The following ADGRD1 variants were observed in gnomAD, a reference collection of about 807,000 sequenced individuals.
ADGRD1 encodes the protein G-protein coupled receptor 133.
Under a neutral mutation model 113.4 loss-of-function variants are expected in ADGRD1, and 77 were observed. The observed-to-expected ratio is 0.68, with a 90% confidence interval of 0.57 to 0.82. ADGRD1 has a LOEUF of 0.82. Ranked by LOEUF, ADGRD1 falls within the 40% of genes least tolerant of loss-of-function variation. ADGRD1 has a pLI of 0.00. For missense variants in ADGRD1, 1,036 were observed against 1,139.1 expected (o/e 0.91, Z 1.30); for synonymous variants, 474 against 475.0 (o/e 1.00, Z 0.03).
chr12:131,088,412 G>A lies in ADGRD1; in HGVS notation c.1671+3749G>A, dbSNP rs567295409. Among the ~76,000 whole-genome samples, 4 of 152,368 alleles carry A rather than the reference G, an allele frequency of 2.6e-5. No individual in the cohort carries two copies. In the South Asian group the frequency reaches 8.3e-4, roughly 32 times the overall value. On this transcript the variant is annotated intron_variant, in intron 15 of 24. Transcript: ENST00000261654. ...GGGAGATCATGTCGGATGACTTGTG[G>A]ATAATTAGGCTCTAAAACGCAGTCC... is the stretch of plus-strand genomic sequence containing the variant.
rs770199975 is a variant in ADGRD1, at chr12:130,984,939, CTCTT to C, written c.491-2146_491-2143del. ...TCTCTCTCCTCTCTTCTCTCTTTCT[CTCTT>C]TCTTTCTTTTTCTTTCTGACAGGAT... is the stretch of plus-strand genomic sequence containing the variant. On this transcript the variant is annotated intron_variant, in intron 5 of 24. Coordinates refer to ENST00000261654, the MANE Select transcript of ADGRD1 (RefSeq NM_198827.5). This position sits in a 1 kb window ranked among gnomAD's most constrained non-coding sequence, Gnocchi z 4.1. 4.5e-4 allele frequency among the ~76,000 whole-genome samples: 68 copies of C among 151,046 alleles called. 1 individual carries two copies. Among genetic ancestry groups the C allele is most frequent in the African/African-American group, 1.5e-3 (61 of 41,084 alleles).
intron 13 of ADGRD1, chr12:131,023,497 G>A (rs1228394488): frequency 6.6e-6 from 1 of 151,900 alleles, no homozygotes; most frequent in Non-Finnish European, 1.5e-5. Flanking sequence ...TATCTCTTTT[G>A]TGCCAAATGA....
At chr12:131,081,311 T>C (rs1886055139) in intron 14 of ADGRD1, among the ~76,000 whole-genome samples, 1 of 152,246 alleles carries the variant, frequency 6.6e-6, no homozygotes, top group Non-Finnish European at 1.5e-5. Context: ...GATTAAAATC[T>C]ACCATTTTGC....
intron 18 of ADGRD1, among the ~76,000 whole-genome samples, chr12:131,117,312 A>G (rs551772668): frequency 6.6e-6 from 1 of 152,336 alleles, no homozygotes; most frequent in Non-Finnish European, 1.5e-5. Flanking sequence ...TAGAAATCCA[A>G]CTTGAACTGG....
At chr12:131,107,815 G>T (rs1479856738) in intron 17 of ADGRD1, among the ~76,000 whole-genome samples, 3 of 152,212 alleles carry the variant, frequency 2.0e-5, no homozygotes, top group Non-Finnish European at 2.9e-5. Context: ...ACATTTAGTG[G>T]CTTGTACATT....
chr12:131,132,530 C>G (rs112547346), intron 21 of ADGRD1, among the ~76,000 whole-genome samples: 88,140 of 151,856 alleles, frequency 0.58, 27,271 homozygotes, highest in Non-Finnish European at 0.71. Context: ...GTTGCAGCAC[C>G]GGGCCCAGCT....
intron 13 of ADGRD1, among the ~76,000 whole-genome samples, chr12:131,074,024 C>G (rs753071740): frequency 1.9e-4 from 29 of 152,198 alleles, no homozygotes; most frequent in Non-Finnish European, 4.0e-4. Context: ...TACATAAAAG[C>G]CAGCACATTT....
chr12:131,015,165 A>G (rs1369243957), intron 13 of ADGRD1, among the ~76,000 whole-genome samples: 1 of 152,284 alleles, frequency 6.6e-6, no homozygotes, highest in Non-Finnish European at 1.5e-5. Context: ...CTCTGTGCGC[A>G]TACCTGGGTG....
rs770835000 is a variant in ADGRD1, at chr12:131,042,508, A to G, written c.1473+28168A>G. 5.9e-5 allele frequency among the ~76,000 whole-genome samples: 9 copies of G among 152,252 alleles called. 1 individual carries two copies. Among genetic ancestry groups the G allele is most frequent in the Admixed American group, 6.5e-5 (1 of 15,288 alleles). On this transcript the variant is annotated intron_variant, in intron 13 of 24. Coordinates refer to ENST00000261654, the MANE Select transcript of ADGRD1 (RefSeq NM_198827.5). The stretch of plus-strand genomic sequence containing the variant: ...ATGTGAGTTAAAGAAAATCCAGCAG[A>G]CACCGCTCCTGACTTCATGTCTATA...
chr12:131,003,311 C>T lies in ADGRD1; in HGVS notation c.1144+9C>T, dbSNP rs1876629826. ...CTCCTCTGCCATGGCAGGTAGCTGT[C>T]GCTTGTAAGGGTGAGCCACATGGCA... On this transcript the variant is annotated intron_variant, in intron 10 of 24. Coordinates refer to ENST00000261654, the MANE Select transcript of ADGRD1 (RefSeq NM_198827.5). The surrounding 1 kb of genome is among the most constrained non-coding windows in gnomAD (Gnocchi z 4.8). 2 of 1,592,072 alleles carry T rather than the reference C, an allele frequency of 1.3e-6. No individual in the cohort carries two copies. The highest frequency in any genetic ancestry group is 1.7e-6 in the Non-Finnish European group (2 of 1,160,772).
intron 18 of ADGRD1, among the ~76,000 whole-genome samples, chr12:131,118,132 T>C (rs1367141160): frequency 6.6e-6 from 1 of 152,254 alleles, no homozygotes; most frequent in Admixed American, 6.5e-5. Context: ...TGATGAAGAC[T>C]CATACACTTT....
chr12:131,124,752 A>G (rs952547822), intron 20 of ADGRD1, among the ~76,000 whole-genome samples: 1 of 143,848 alleles, frequency 7.0e-6, no homozygotes, highest in African/African-American at 2.5e-5. Flanking sequence ...TCTAACACAC[A>G]CTGCCCACTG....
chr12:131,096,002 A>G lies in ADGRD1; in HGVS notation c.1672-8829A>G, dbSNP rs555247980. On this transcript the variant is annotated intron_variant, in intron 15 of 24. Coordinates refer to ENST00000261654, the MANE Select transcript of ADGRD1 (RefSeq NM_198827.5). This position sits in a 1 kb window ranked among gnomAD's most constrained non-coding sequence, Gnocchi z 5.2. ...GTCACGGCCACCGTTCCCGCCTCCC[A>G]GCCCTGCCCAGAGCAGCGGCTTAGG... 2.7e-5 allele frequency among the ~76,000 whole-genome samples: 4 copies of G among 150,194 alleles called. No individual in the cohort carries two copies. The highest frequency in any genetic ancestry group is 4.5e-5 in the Non-Finnish European group (3 of 67,006).
At chr12:130,994,251 A>G (rs535147010) in intron 8 of ADGRD1, 1 of 453,752 alleles carries the variant, frequency 2.2e-6, no homozygotes, top group East Asian at 7.0e-5. Context: ...AGGCCCCGAG[A>G]CAGGGCTTGG....
rs768340432 is a variant in ADGRD1 at position 131,120,809 on chromosome 12, C to T, written c.2109-38C>T. Reference sequence around the variant, plus strand: ...GATGAAGGTACGCTGGCAGGTGGAACGAGGTTGTTGAAGTAACGGCTCTGC... The same window carrying T: ...GATGAAGGTACGCTGGCAGGTGGAATGAGGTTGTTGAAGTAACGGCTCTGC... On this transcript the variant is annotated intron_variant, in intron 19 of 24. Coordinates refer to ENST00000261654, the MANE Select transcript of ADGRD1 (RefSeq NM_198827.5). 3.5e-5 allele frequency: 57 copies of T among 1,608,838 alleles called. 1 individual carries two copies. The highest frequency in any genetic ancestry group is 2.1e-4 in the South Asian group (19 of 91,016).
At chr12:131,033,558 C>T (rs999980624) in intron 13 of ADGRD1, among the ~76,000 whole-genome samples, 4 of 152,290 alleles carry the variant, frequency 2.6e-5, no homozygotes, top group Middle Eastern at 3.4e-3. Context: ...TGTGCAGTGA[C>T]GGAGGCAGCC....
rs756142280 is a variant in ADGRD1 at position 131,022,223 on chromosome 12, C to T, written c.1473+7883C>T. On this transcript the variant is annotated intron_variant, in intron 13 of 24. Coordinates refer to ENST00000261654, the MANE Select transcript of ADGRD1 (RefSeq NM_198827.5). The surrounding 1 kb of genome is among the most constrained non-coding windows in gnomAD (Gnocchi z 4.6). ...TGCTCATTGTTGCCGGTAACGCTCA[C>T]GTGGATGGCATGAGTGAGGTGGTGT... Among the ~76,000 whole-genome samples the T allele has an allele frequency of 2.0e-5, 3 of 152,220 alleles. No individual in the cohort carries two copies. Among genetic ancestry groups the T allele is most frequent in the South Asian group, 2.1e-4 (1 of 4,804 alleles).
intron 11 of ADGRD1, 129 bp downstream of exon 11, chr12:131,004,425 C>CCCCCGGGCCGCCTGCGGTGCT (rs150679837): frequency 7.3e-6 from 5 of 688,134 alleles, no homozygotes; most frequent in Non-Finnish European, 1.3e-5. Context: ...CTGCGGTGCT[C>CCCCCGGGCCGCCTGCGGTGCT]CCCCGGACTG....
intron 24 of ADGRD1, 33 bp from the exon 25 acceptor site, chr12:131,139,135 G>A: frequency 6.5e-7 from 1 of 1,532,930 alleles, no homozygotes; most frequent in Non-Finnish European, 9.0e-7. Context: ...CTGGGAGCAG[G>A]CCCTTCACTG....
Sources: gnomAD v4.1 joint callset for allele counts (sites outside exome capture counted in the v4.1 genomes callset) on GRCh38, gnomAD v4.1.1 for gene constraint, Gnocchi (gnomAD v3.1) non-coding constraint, MANE v1.5 for transcripts, NCBI Gene and HGNC (gene_info 2026-07-23, HGNC 2026-07-21) for gene names.